MRPL4: variants seen among roughly 807,000 people sequenced by gnomAD.
MRPL4 encodes large ribosomal subunit protein uL4m.
MRPL4 carries 34 observed loss-of-function variants against 34.1 expected under a neutral mutation model. The ratio of observed to expected loss-of-function variants is 1.00; its 90% CI spans 0.76 to 1.33. MRPL4 has a LOEUF of 1.33. MRPL4 is among the 40% of genes most tolerant of loss of function. MRPL4 has a pLI of 0.00. For synonymous variants in MRPL4, 196 were observed against 188.3 expected, an observed-to-expected ratio of 1.04 and a Z score of -0.33; for missense variants, 402 against 434.6, an observed-to-expected ratio of 0.92 and a Z score of 0.67.
intron 1 of MRPL4, 32 bp downstream of exon 1, chr19:10,252,342 G>A (rs145772763): frequency 6.1e-4 from 986 of 1,613,014 alleles, no homozygotes; most frequent in Non-Finnish European, 8.0e-4. Context: ...GTGGTCGAAG[G>A]ATGAAATTTG....
At chr19:10,258,902 A>G (rs2039879401) in intron 8 of MRPL4, 3 of 1,460,390 alleles carry the variant, frequency 2.1e-6, no homozygotes, top group Non-Finnish European at 2.7e-6. Context: ...TTGGGAGGCC[A>G]AGGCAGTCTG....
intron 5 of MRPL4, among the ~76,000 whole-genome samples, chr19:10,257,636 T>C (rs570776586): frequency 1.7e-4 from 26 of 152,160 alleles, no homozygotes; most frequent in Non-Finnish European, 3.4e-4. Flanking sequence ...TCCCTGACTG[T>C]TGTTGCTCCC....
intron 3 of MRPL4, among the ~76,000 whole-genome samples, chr19:10,254,057 C>G (rs753196542): frequency 6.6e-6 from 1 of 152,032 alleles, no homozygotes; most frequent in African/African-American, 2.4e-5. Context: ...TCGCTCTTGT[C>G]GCCCAGGCTG....
intron 8 of MRPL4, 80 bp from the exon 9 acceptor site, chr19:10,259,537 G>A: frequency 6.5e-6 from 10 of 1,534,666 alleles, no homozygotes; most frequent in Non-Finnish European, 8.7e-6. Flanking sequence ...AAGCACAAAG[G>A]GACTCCGATG....
chr19:10,253,367 T>C (rs1286257713), intron 3 of MRPL4, among the ~76,000 whole-genome samples: 1 of 147,736 alleles, frequency 6.8e-6, no homozygotes, highest in Non-Finnish European at 1.5e-5. Context: ...TAGTCCCAGG[T>C]ACTCTGGAGG....
At chr19:10,255,226 A>T (rs1368982417) in intron 4 of MRPL4, 1 of 152,320 alleles carries the variant, frequency 6.6e-6, no homozygotes, top group Non-Finnish European at 1.5e-5. Context: ...CAGGCCTGTA[A>T]TCCCAGCACT....
intron 7 of MRPL4, 23 bp downstream of exon 7, chr19:10,258,545 G>T (rs1170887487): frequency 6.2e-7 from 1 of 1,614,112 alleles, no homozygotes; most frequent in Admixed American, 1.7e-5. Context: ...GGCAGAGCAG[G>T]GGCAGGGGGC....
intron 8 of MRPL4, 105 bp downstream of exon 8, chr19:10,258,790 G>A (rs1484805701): frequency 6.2e-7 from 1 of 1,608,600 alleles, no homozygotes. Context: ...CTCAGGCAGT[G>A]ACCACGCTCC....
At chr19:10,253,406 GA>G (rs1388672643) in intron 3 of MRPL4, among the ~76,000 whole-genome samples, 2 of 149,762 alleles carry the variant, frequency 1.3e-5, no homozygotes, top group Non-Finnish European at 3.0e-5. Flanking sequence ...GTGAACCCGG[GA>G]GGCGGAGCTT....
In MRPL4 at chr19:10,259,944, G is replaced by A. The variant is rs1415509509; in HGVS notation, c.*131G>A. 1.8e-5 allele frequency: 14 copies of A among 794,032 alleles called. No individual in the cohort carries two copies. The highest frequency in any genetic ancestry group is 1.2e-4 in the East Asian group (4 of 32,266). The allele number at this position is 794,032 out of a possible 1,614,324, so 49.2% of individuals were successfully genotyped here. Reference sequence around the variant, plus strand: ...GGAGGAAGCTGAGGCCACAGGGAGCGGCCATCGCCATTGGGAAGGGGCGAC... The same window carrying A: ...GGAGGAAGCTGAGGCCACAGGGAGCAGCCATCGCCATTGGGAAGGGGCGAC... On this transcript the variant is annotated 3_prime_UTR_variant, in exon 9 of 9. Transcript: ENST00000253099.
At chr19:10,259,167 C>A (rs372105431) in intron 8 of MRPL4, 1 of 1,262,212 alleles carries the variant, frequency 7.9e-7, no homozygotes. Flanking sequence ...CTGTTCCTTC[C>A]ACAGCCACAA....
At chr19:10,259,013 A>G (rs1467201376) in intron 8 of MRPL4, 1 of 1,389,926 alleles carries the variant, frequency 7.2e-7, no homozygotes, top group Non-Finnish European at 9.3e-7. Flanking sequence ...CCAGGCGGAT[A>G]GCTTGAGCTC....
At position 10,258,385 on chromosome 19, in the gene MRPL4, G is replaced by A. The variant is rs2039871838; in HGVS notation, c.553-28G>A. ...AGAGGTGGGGCTGCTCTGGACCCAG[G>A]GTTCAAACCATCCTTTCCTTCCACC... On this transcript the variant is annotated intron_variant, in intron 6 of 8. Coordinates refer to ENST00000253099, the MANE Select transcript of MRPL4 (RefSeq NM_015956.3). 1.9e-6 allele frequency: 3 copies of A among 1,613,832 alleles called. No individual in the cohort carries two copies. In the East Asian group the frequency reaches 6.7e-5, roughly 36 times the overall value.
At chr19:10,252,044 G>A, upstream of MRPL4, 1 of 581,356 alleles carries the variant, frequency 1.7e-6, no homozygotes, top group East Asian at 3.1e-5. Flanking sequence ...GGTCCTTGAG[G>A]CAGGAGTGAA....
At chr19:10,256,323 G>A (rs938555931) in intron 4 of MRPL4, among the ~76,000 whole-genome samples, 3 of 151,948 alleles carry the variant, frequency 2.0e-5, no homozygotes, top group African/African-American at 7.3e-5. Context: ...ACAGGCACCC[G>A]TAATCTCAGC....
At chr19:10,259,586 G>GTCCCCC in intron 8 of MRPL4, 31 bp from the exon 9 acceptor site, 1 of 1,461,482 alleles carries the variant, frequency 6.8e-7, no homozygotes, top group Non-Finnish European at 8.9e-7. Flanking sequence ...GGCCTGACCG[G>GTCCCCC]CCCCCCGCCC....
At chr19:10,258,993 G>T in intron 8 of MRPL4, 1 of 1,411,944 alleles carries the variant, frequency 7.1e-7, no homozygotes. Flanking sequence ...CCAGCTACTC[G>T]GGGGCTGAGC....
intron 8 of MRPL4, chr19:10,259,369 CAGCCAGGCACAGGACCGAGCCT>C (rs1433036920): frequency 1.4e-6 from 2 of 1,389,014 alleles, no homozygotes; most frequent in East Asian, 5.7e-5. Context: ...CCAGGAGTCC[CAGCCAGGCACAGGACCGAGCCT>C]GGCTCTCGGT....
intron 5 of MRPL4, 29 bp downstream of exon 5, chr19:10,256,854 A>AGGGGGGGGGGGGGGGGG: frequency 5.2e-5 from 2 of 38,598 alleles, no homozygotes; most frequent in South Asian, 4.0e-4. Context: ...GGGGGCGGGG[A>AGGGGGGGGGGGGGGGGG]GGGGTGGGGG....
Sources: allele counts gnomAD v4.1 joint callset (sites outside exome capture counted in the v4.1 genomes callset), GRCh38; gene constraint gnomAD v4.1.1; transcripts MANE v1.5; gene names NCBI Gene and HGNC (gene_info 2026-07-23, HGNC 2026-07-21).